The following TUBGCP5 variants were observed in gnomAD, a reference collection of about 807,000 sequenced individuals.
TUBGCP5 encodes tubulin gamma complex component 5.
A neutral mutation model predicts 134.7 loss-of-function variants in TUBGCP5; 98 were observed. That is an observed-to-expected ratio of 0.73 (90% CI 0.62 to 0.86). The LOEUF is 0.86. TUBGCP5 is among the 40% of genes least tolerant of loss of function. The pLI is 0.00. For synonymous variants in TUBGCP5, 456 were observed against 431.4 expected (o/e 1.06, Z -0.71); for missense variants, 1,150 against 1,244.8 (o/e 0.92, Z 1.15).
At chr15:23,037,997 C>T (rs1261635711) in intron 1 of TUBGCP5, among the ~76,000 whole-genome samples, 1 of 152,186 alleles carries the variant, frequency 6.6e-6, no homozygotes, top group East Asian at 1.9e-4. Flanking sequence ...ATCTCCTGAC[C>T]TCGTGATCCA....
At chr15:23,005,326 C>T (rs765930489) in intron 19 of TUBGCP5, 106 bp downstream of exon 19, 4 of 1,341,782 alleles carry the variant, frequency 3.0e-6, no homozygotes, top group African/African-American at 1.5e-5. Flanking sequence ...GTCCCGTTTT[C>T]ACAGTCTGTA....
downstream of TUBGCP5, among the ~76,000 whole-genome samples, chr15:22,995,382 G>T (rs1261870670): frequency 6.6e-6 from 1 of 151,990 alleles, no homozygotes; most frequent in Non-Finnish European, 1.5e-5. Flanking sequence ...GCACCATACT[G>T]GTGTCCGGCT....
chr15:23,035,585 G>C (rs557928211), intron 3 of TUBGCP5, among the ~76,000 whole-genome samples: 3 of 152,244 alleles, frequency 2.0e-5, no homozygotes, highest in South Asian at 2.1e-4. Context: ...TGCCACCGCT[G>C]ATCTGACAGG....
At chr15:23,006,460 G>T in intron 16 of TUBGCP5, 108 bp from the exon 17 acceptor site, 1 of 735,120 alleles carries the variant, frequency 1.4e-6, no homozygotes, top group Non-Finnish European at 2.2e-6. Context: ...AAAAGATACT[G>T]CATTTCATAA....
At chr15:23,038,442 T>C (rs2066721872) in intron 1 of TUBGCP5, among the ~76,000 whole-genome samples, 1 of 152,212 alleles carries the variant, frequency 6.6e-6, no homozygotes, top group Admixed American at 6.5e-5. Flanking sequence ...GTTTCTGTAT[T>C]GTATAACCTA....
At chr15:23,028,608 A>G (rs959377236) in intron 6 of TUBGCP5, among the ~76,000 whole-genome samples, 1 of 151,512 alleles carries the variant, frequency 6.6e-6, no homozygotes, top group Non-Finnish European at 1.5e-5. Flanking sequence ...AGACTTCTAG[A>G]AAAAAAAAGT....
intron 4 of TUBGCP5, 34 bp from the exon 5 acceptor site, chr15:23,032,063 T>A (rs767779594): frequency 1.3e-6 from 2 of 1,534,490 alleles, no homozygotes; most frequent in South Asian, 1.1e-5. Context: ...ATTGGCTTTA[T>A]TATATCTATC....
intron 23 of TUBGCP5, among the ~76,000 whole-genome samples, chr15:22,993,532 T>G (rs946140707): frequency 4.5e-5 from 4 of 89,090 alleles, no homozygotes; most frequent in East Asian, 2.7e-4. Context: ...GAAGTTTTTT[T>G]TTTTTTTTTT....
intron 5 of TUBGCP5, among the ~76,000 whole-genome samples, chr15:23,031,370 G>A (rs2066302338): frequency 6.6e-6 from 1 of 151,392 alleles, no homozygotes; most frequent in South Asian, 2.1e-4. Flanking sequence ...AGGTTGGAGT[G>A]CAATAGCACG....
chr15:23,008,622 T>A, intron 16 of TUBGCP5, 77 bp downstream of exon 16: 1 of 1,434,304 alleles, frequency 7.0e-7, no homozygotes, highest in Non-Finnish European at 9.8e-7. Flanking sequence ...TAAAATAATA[T>A]GTGTAATTCA....
chr15:22,988,591 C>A (rs1187136032), intron 23 of TUBGCP5, among the ~76,000 whole-genome samples: 1 of 151,384 alleles, frequency 6.6e-6, no homozygotes, highest in Non-Finnish European at 1.5e-5. Context: ...AAAAAATTAG[C>A]CGGGCGTGGT....
At chr15:23,035,548 G>A (rs775969145) in intron 3 of TUBGCP5, among the ~76,000 whole-genome samples, 1 of 152,066 alleles carries the variant, frequency 6.6e-6, no homozygotes, top group Non-Finnish European at 1.5e-5. Flanking sequence ...AGTTCACAAT[G>A]GGGTTTGCTC....
At chr15:23,030,600 T>TAAAAAAAA (rs1567162272) in intron 6 of TUBGCP5, among the ~76,000 whole-genome samples, 2 of 118,764 alleles carry the variant, frequency 1.7e-5, no homozygotes, top group African/African-American at 3.3e-5. Flanking sequence ...CCTTCTCCAA[T>TAAAAAAAA]TAAAAAAAAA....
chr15:22,987,663 G>A (rs1454063473), intron 23 of TUBGCP5, among the ~76,000 whole-genome samples: 2 of 151,628 alleles, frequency 1.3e-5, no homozygotes, highest in African/African-American at 2.4e-5. Flanking sequence ...TTGGGAGGCT[G>A]AGGTGGGTGG....
chr15:23,030,540 G>A (rs1301822044), intron 6 of TUBGCP5, among the ~76,000 whole-genome samples: 3 of 146,158 alleles, frequency 2.1e-5, no homozygotes, highest in East Asian at 2.0e-4. Flanking sequence ...ACAGGGTCTC[G>A]CTCTGTTGCC....
At chr15:23,018,592 C>T (rs1159048578) in intron 12 of TUBGCP5, among the ~76,000 whole-genome samples, 2 of 152,148 alleles carry the variant, frequency 1.3e-5, no homozygotes, top group Non-Finnish European at 2.9e-5. Flanking sequence ...ACACTAAAGA[C>T]TTAAAGTTAT....
At chr15:23,035,082 C>A (rs566562587) in intron 3 of TUBGCP5, among the ~76,000 whole-genome samples, 1 of 152,098 alleles carries the variant, frequency 6.6e-6, no homozygotes, top group Non-Finnish European at 1.5e-5. Flanking sequence ...AATCCCAGCA[C>A]TTTGGGAGGC....
At chr15:22,986,747 AAAAG>A (rs140534032) in intron 23 of TUBGCP5, among the ~76,000 whole-genome samples, 7,169 of 151,676 alleles carry the variant, frequency 0.047, 560 homozygotes, top group African/African-American at 0.16. Flanking sequence ...CAAAAAAAAA[AAAAG>A]AAAGAAAAGG....
At chr15:23,016,980 A>ATC (rs2065369139) in intron 13 of TUBGCP5, among the ~76,000 whole-genome samples, 1 of 144,736 alleles carries the variant, frequency 6.9e-6, no homozygotes, top group Non-Finnish European at 1.5e-5. Context: ...ATATATATAT[A>ATC]TATATATGTA....
Sources: allele counts gnomAD v4.1 joint callset (sites outside exome capture counted in the v4.1 genomes callset), GRCh38; gene constraint gnomAD v4.1.1; transcripts MANE v1.5; gene names NCBI Gene and HGNC (gene_info 2026-07-23, HGNC 2026-07-21).